Variants in C1orf21 observed in about 807,000 individuals in gnomAD.
C1orf21 encodes uncharacterized protein C1orf21.
Under a neutral mutation model 18.7 loss-of-function variants are expected in C1orf21, and 3 were observed. The ratio of observed to expected loss-of-function variants is 0.16; its 90% confidence interval spans 0.07 to 0.42. The LOEUF (loss-of-function observed/expected upper bound fraction) is 0.42, where lower values mean the gene tolerates loss of function less well. C1orf21 is among the 10% of genes least tolerant of loss of function. C1orf21 has a pLI of 0.99. For synonymous variants in C1orf21, 41 were observed against 46.4 expected (o/e 0.88, Z 0.47); for missense variants, 104 against 143.6 (o/e 0.72, Z 1.41).
chr1:184,530,173 T>C (rs1227589358), intron 3 of C1orf21, among the ~76,000 whole-genome samples: 1 of 152,240 alleles, frequency 6.6e-6, no homozygotes, highest in Non-Finnish European at 1.5e-5. Context: ...ATACATGCTC[T>C]ATTCTTCTAG....
At chr1:184,496,364 A>G (rs2101958695) in intron 2 of C1orf21, among the ~76,000 whole-genome samples, 1 of 152,358 alleles carries the variant, frequency 6.6e-6, no homozygotes. Context: ...TAGTGAGAGT[A>G]TAAAAGACAG....
intron 4 of C1orf21, among the ~76,000 whole-genome samples, chr1:184,595,600 C>T (rs1259896732): frequency 6.6e-6 from 1 of 152,192 alleles, no homozygotes; most frequent in Non-Finnish European, 1.5e-5. Flanking sequence ...GATTTCTCTT[C>T]TTCTCCCTGA....
chr1:184,543,687 T>C (rs1658690464), intron 3 of C1orf21, among the ~76,000 whole-genome samples: 1 of 152,196 alleles, frequency 6.6e-6, no homozygotes, highest in East Asian at 1.9e-4. Context: ...TAATGAGATG[T>C]CATCAAGAAT....
At chr1:184,403,016 A>G (rs1656188165) in intron 1 of C1orf21, among the ~76,000 whole-genome samples, 1 of 152,262 alleles carries the variant, frequency 6.6e-6, no homozygotes, top group African/African-American at 2.4e-5. Context: ...TAGGGCAGGT[A>G]GCAAGGCTGG....
In C1orf21 at chr1:184,525,313, G is replaced by A. The variant is rs530260345; in HGVS notation, c.189+17631G>A. Among the ~76,000 whole-genome samples the A allele has an allele frequency of 3.3e-5, 5 of 152,070 alleles. No individual in the cohort carries two copies. The South Asian group carries it at 6.2e-4, about 19-fold the overall frequency. ...ATCGAATTATCATAAAATGTATATA[G>A]TGTGCTCTTCCTACTATATTTCAGT... is the stretch of plus-strand genomic sequence containing the variant. On this transcript the variant is annotated intron_variant, in intron 3 of 5. Coordinates refer to ENST00000235307, the MANE Select transcript of C1orf21 (RefSeq NM_030806.4).
intron 3 of C1orf21, among the ~76,000 whole-genome samples, chr1:184,537,057 G>A (rs1557996947): frequency 6.6e-6 from 1 of 152,076 alleles, no homozygotes; most frequent in Non-Finnish European, 1.5e-5. Flanking sequence ...ATGCAAGGGG[G>A]AATTGAAAAG....
chr1:184,405,999 T>G (rs531520971), intron 1 of C1orf21, among the ~76,000 whole-genome samples: 2 of 152,222 alleles, frequency 1.3e-5, no homozygotes, highest in African/African-American at 2.4e-5. Context: ...CTTCCTTCTA[T>G]TTTCATTATA....
At chr1:184,529,730 C>G (rs1296253676) in intron 3 of C1orf21, among the ~76,000 whole-genome samples, 1 of 152,138 alleles carries the variant, frequency 6.6e-6, no homozygotes, top group Non-Finnish European at 1.5e-5. Flanking sequence ...AATCAGAAGA[C>G]AGCAGTGGAA....
chr1:184,505,340 T>TATATATAC lies in C1orf21; in HGVS notation c.95-2247_95-2246insTATATACA, dbSNP rs1285554960. Among the ~76,000 whole-genome samples the TATATATAC allele has an allele frequency of 3.2e-3, 378 of 118,626 alleles. 3 individuals are homozygous for TATATATAC. The highest frequency in any genetic ancestry group is 5.2e-3 in the Non-Finnish European group (321 of 61,554). The allele number at this position is 118,626 out of a possible 152,430, so 77.8% of individuals were successfully genotyped here. ...ATATATATATATATATATATATATA[T>TATATATAC]ACACACATGCCATATATATATAGAC... is the stretch of plus-strand genomic sequence containing the variant. On this transcript the variant is annotated intron_variant, in intron 2 of 5. Coordinates refer to ENST00000235307, the MANE Select transcript of C1orf21 (RefSeq NM_030806.4).
At chr1:184,573,663 A>T (rs937190279) in intron 3 of C1orf21, among the ~76,000 whole-genome samples, 3 of 152,188 alleles carry the variant, frequency 2.0e-5, no homozygotes, top group African/African-American at 7.2e-5. Flanking sequence ...AAAAGCGTTA[A>T]CAGTTACTTT....
At chr1:184,410,609 CAT>C (rs1491181620) in intron 1 of C1orf21, among the ~76,000 whole-genome samples, 1 of 52,512 alleles carries the variant, frequency 1.9e-5, no homozygotes, top group Non-Finnish European at 2.9e-5. Context: ...ATTAATTTGC[CAT>C]ATATATTATA....
chr1:184,431,630 A>T (rs1283979198), intron 1 of C1orf21, among the ~76,000 whole-genome samples: 1 of 152,228 alleles, frequency 6.6e-6, no homozygotes, highest in Non-Finnish European at 1.5e-5. Context: ...GGATCTAATT[A>T]AACTAAAGAG....
chr1:184,586,534 C>T (rs1450650983), intron 3 of C1orf21, among the ~76,000 whole-genome samples: 4 of 152,236 alleles, frequency 2.6e-5, no homozygotes, highest in South Asian at 2.1e-4. Context: ...CCGCCCGCCT[C>T]GGCCTCCCAA....
Position 184,507,658 on chromosome 1 carries a change from A to G in C1orf21, c.165A>G (p.Ile55Met), listed in dbSNP as rs1384696721. 2 of 1,602,198 alleles carry G rather than the reference A, an allele frequency of 1.2e-6. No homozygotes were observed. ...ATGGGGCAGAAGAAGAGCAGAAAAT[A>G]GCAGCCAGGAACCAAGAAAACTTGG... ...MKNGAEEEQK[I>M]AARNQENLEK... Residue 55 changes from isoleucine (I) to methionine (M), a missense_variant, in exon 3 of 6, where the codon ATA becomes ATG. Physicochemically the swap from Ile to Met is conservative, Grantham distance 10. Coordinates refer to ENST00000235307, the MANE Select transcript of C1orf21 (RefSeq NM_030806.4).
intron 2 of C1orf21, 118 bp from the exon 3 acceptor site, chr1:184,507,470 C>A: frequency 1.3e-6 from 1 of 772,300 alleles, no homozygotes; most frequent in Non-Finnish European, 2.1e-6. Context: ...AAATGAACCA[C>A]ATATGAAGGC....
At chr1:184,527,160 C>A (rs564471242) in intron 3 of C1orf21, among the ~76,000 whole-genome samples, 1 of 152,206 alleles carries the variant, frequency 6.6e-6, no homozygotes. Context: ...ATCCTTTGTA[C>A]TTAGCAAATG....
Position 184,502,887 on chromosome 1 carries a change from G to A in C1orf21, c.95-4701G>A, listed in dbSNP as rs565628435. On this transcript the variant is annotated intron_variant, in intron 2 of 5. Coordinates refer to ENST00000235307, the MANE Select transcript of C1orf21 (RefSeq NM_030806.4). ...GGGTCCAGGAGTTTAAGACCAGCCTGGCCAACATGGTGAAACCCTGCCTCT... is the reference window on the plus strand; with the variant it reads ...GGGTCCAGGAGTTTAAGACCAGCCTAGCCAACATGGTGAAACCCTGCCTCT... Among the ~76,000 whole-genome samples the A allele has an allele frequency of 9.2e-5, 14 of 151,956 alleles. No homozygotes were observed. The South Asian group carries it at 2.7e-3, about 29-fold the overall frequency.
In C1orf21 at chr1:184,627,622, T is replaced by A. The variant is rs1435213653; in HGVS notation, c.*8066T>A. 6.6e-6 allele frequency: 1 copy of A among 152,256 alleles called. No individual in the cohort carries two copies. Among genetic ancestry groups the A allele is most frequent in the African/African-American group, 2.4e-5 (1 of 41,472 alleles). The allele number at this position is 152,256 out of a possible 1,614,324, so 9.4% of individuals were successfully genotyped here. On this transcript the variant is annotated 3_prime_UTR_variant, in exon 6 of 6. Transcript: ENST00000235307. The stretch of plus-strand genomic sequence containing the variant: ...CTCAAACACCCACTTTTTCCAGATC[T>A]TCCTCTTGCTCTTCACTGAGGAATT...
In C1orf21 at chr1:184,628,824, C is replaced by G. The variant is rs907915826; in HGVS notation, c.*9268C>G. 1 of 152,402 alleles carries G rather than the reference C, an allele frequency of 6.6e-6. No individual in the cohort carries two copies. The highest frequency in any genetic ancestry group is 1.5e-5 in the Non-Finnish European group (1 of 68,008). The allele number at this position is 152,402 out of a possible 1,614,324, so 9.4% of individuals were successfully genotyped here. On this transcript the variant is annotated 3_prime_UTR_variant, in exon 6 of 6. Coordinates refer to ENST00000235307, the MANE Select transcript of C1orf21 (RefSeq NM_030806.4). The stretch of plus-strand genomic sequence containing the variant: ...GAAGTGCTCCAGCAGTACTACCCCC[C>G]ACGTAGCAGTGGGCCCATGTCGCTT...
Sources: gnomAD v4.1 joint callset for allele counts (sites outside exome capture counted in the v4.1 genomes callset) on GRCh38, gnomAD v4.1.1 for gene constraint, MANE v1.5 for transcripts, NCBI Gene and HGNC (gene_info 2026-07-23, HGNC 2026-07-21) for gene names.